LAS1L: variants seen among roughly 807,000 people sequenced by gnomAD.
LAS1L encodes the protein ribosomal biogenesis protein LAS1L.
LAS1L carries 5 observed loss-of-function variants against 57.3 expected under a neutral mutation model. That is an observed-to-expected ratio of 0.09 (90% CI 0.05 to 0.18). LAS1L has a LOEUF of 0.18. LAS1L is among the 10% of genes least tolerant of loss of function. The pLI, the probability that LAS1L is intolerant of heterozygous loss-of-function variation, is 1.00. For missense variants in LAS1L, 360 were observed against 568.3 expected, an observed-to-expected ratio of 0.63 and a Z score of 3.73; for synonymous variants, 245 against 231.7, an observed-to-expected ratio of 1.06 and a Z score of -0.52.
chrX:65,518,379 T>A lies in LAS1L; in HGVS notation c.1535A>T (p.Glu512Val). Residue 512 changes from glutamate (E) to valine (V), a missense_variant, in exon 12 of 14, where the codon GAA (glutamate) becomes GTA (valine). This residue lies in a region of LAS1L where 123 missense variants were observed against 168.3 expected (regional missense o/e 0.73). Coordinates refer to ENST00000374811, the MANE Select transcript of LAS1L (RefSeq NM_031206.7). ...RICSIYTQSG[E>V]NSLVQEGSEA... The stretch of plus-strand genomic sequence containing the variant: ...AGAGCCCTCCTGCACCAGGCTGTTT[T>A]CTCCACTCTGGGTATAAATGGAACA... 1 of 1,212,302 alleles carries A rather than the reference T, an allele frequency of 8.2e-7. No individual in the cohort carries two copies. Among genetic ancestry groups the A allele is most frequent in the Non-Finnish European group, 1.1e-6 (1 of 895,647 alleles).
At chrX:65,523,755 A>T (rs2148287297) in intron 10 of LAS1L, 48 bp from the exon 11 acceptor site, 1 of 1,121,190 alleles carries the variant, frequency 8.9e-7, no homozygotes. Flanking sequence ...TGAGCCCCCC[A>T]CCCAACATTT....
chrX:65,518,130 T>G lies in LAS1L; in HGVS notation c.1784A>C (p.Glu595Ala), dbSNP rs772981775. ...TTCCTCTTCATCATCTTCATCATCTTCATCCTCCTCTTCCTCCTCTTGGTC... is the reference window on the plus strand; with the variant it reads ...TTCCTCTTCATCATCTTCATCATCTGCATCCTCCTCTTCCTCCTCTTGGTC... ...NDDQEEEEED[E>A]DDEDDEEEDR... Residue 595 changes from glutamate (E) to alanine (A), a missense_variant, in exon 12 of 14, where the codon GAA (glutamate) becomes GCA (alanine). Coordinates refer to ENST00000374811, the MANE Select transcript of LAS1L (RefSeq NM_031206.7). 2 of 1,201,189 alleles carry G rather than the reference T, an allele frequency of 1.7e-6. No individual in the cohort carries two copies. Among genetic ancestry groups the G allele is most frequent in the South Asian group, 3.5e-5 (2 of 56,730 alleles).
chrX:65,521,161 A>T (rs1461929030), intron 11 of LAS1L: 1 of 752,352 alleles, frequency 1.3e-6, no homozygotes, highest in African/African-American at 2.3e-5. Flanking sequence ...TGTGTCCCAA[A>T]TGCCATCAGG....
intron 12 of LAS1L, 73 bp downstream of exon 12, chrX:65,517,914 C>A (rs2068710317): frequency 8.9e-7 from 1 of 1,124,966 alleles, no homozygotes; most frequent in African/African-American, 1.8e-5. Flanking sequence ...TCCATCTCTT[C>A]CTAGGGTAGA....
At chrX:65,526,651 C>T (rs1321047290) in intron 7 of LAS1L, among the ~76,000 whole-genome samples, 4 of 111,653 alleles carry the variant, frequency 3.6e-5, no homozygotes, top group South Asian at 3.8e-4. Flanking sequence ...TGCCTCCACA[C>T]GTTCTTAGCG....
chrX:65,514,904 A>G lies in LAS1L; in HGVS notation c.1997T>C (p.Met666Thr), dbSNP rs1218572840. Residue 666 changes from methionine to threonine, a missense_variant, in exon 13 of 14, where the codon ATG becomes ACG. By Grantham distance (81) the Met-to-Thr change is moderately conservative. Transcript: ENST00000374811. Reference sequence around the variant, plus strand: ...ATACATGGTGTCATAATTCTCCAGCATGAGCTCTGCTGGGTCCTCGGTCTG... The same window carrying G: ...ATACATGGTGTCATAATTCTCCAGCGTGAGCTCTGCTGGGTCCTCGGTCTG... ...PGQTEDPAEL[M>T]LENYDTMYLL... The G allele has an allele frequency of 8.3e-7, 1 of 1,211,075 alleles. No individual in the cohort carries two copies. Among genetic ancestry groups the G allele is most frequent in the Admixed American group, 2.2e-5 (1 of 46,047 alleles).
Position 65,524,108 on chromosome X carries a change from A to T in LAS1L, c.1248T>A (p.Pro416=), listed in dbSNP as rs180689421. The T allele has an allele frequency of 2.4e-5, 29 of 1,209,639 alleles. No homozygotes were observed. The highest frequency in any genetic ancestry group is 4.6e-4 in the Middle Eastern group (2 of 4,352). ...LPALGISGIR[P]TYILRWTVEL... is the part of the protein sequence containing the mutation. The stretch of plus-strand genomic sequence containing the variant: ...CAACGGTCCATCTGAGGATGTAGGT[A>T]GGCCGGATCCCGCTGATCCCCAAGG... Residue 416 remains proline, a synonymous_variant, in exon 10 of 14, where the codon CCT becomes CCA. Coordinates refer to ENST00000374811, the MANE Select transcript of LAS1L (RefSeq NM_031206.7).
intron 2 of LAS1L, among the ~76,000 whole-genome samples, chrX:65,533,028 A>G (rs2069579432): frequency 8.9e-6 from 1 of 112,328 alleles, no homozygotes; most frequent in Non-Finnish European, 1.9e-5. Context: ...GGGGAAATAG[A>G]TAAGCAAAGA....
At chrX:65,521,202 G>A (rs970155463) in intron 11 of LAS1L, 60 of 751,021 alleles carry the variant, frequency 8.0e-5, no homozygotes, top group Non-Finnish European at 8.9e-5. Flanking sequence ...CTCAATAGGG[G>A]GATCAGGGAC....
At chrX:65,529,317 G>A (rs895874623) in intron 5 of LAS1L, 59 bp from the exon 6 acceptor site, 1 of 980,314 alleles carries the variant, frequency 1.0e-6, no homozygotes, top group African/African-American at 1.9e-5. Context: ...CTCCTGATGG[G>A]ATTCTGAGCC....
In LAS1L at chrX:65,530,813, CAA is replaced by C. The variant is rs754023056; in HGVS notation, c.514+542_514+543del. 8.9e-3 allele frequency among the ~76,000 whole-genome samples: 374 copies of C among 42,109 alleles called. 5 individuals are homozygous for C. Among genetic ancestry groups the C allele is most frequent in the African/African-American group, 0.025 (343 of 13,806 alleles). 36.6% of individuals were successfully genotyped at this position (42,109 alleles called of 115,157 possible). A position where few individuals can be genotyped will look rare whatever the true frequency, so the allele number is the denominator to read the frequency against. On this transcript the variant is annotated intron_variant, in intron 4 of 13. Coordinates refer to ENST00000374811, the MANE Select transcript of LAS1L (RefSeq NM_031206.7). Reference sequence around the variant, plus strand: ...TGGGTGACAGAGTGAGACTCTGTCTCAAAAAAAAAAAAAAAAAAAGTTAATCA... The same window carrying C: ...TGGGTGACAGAGTGAGACTCTGTCTCAAAAAAAAAAAAAAAAAGTTAATCA...
In LAS1L at chrX:65,529,326, C is replaced by T. The variant is rs1009779793; in HGVS notation, c.800-68G>A. 3.6e-5 allele frequency: 32 copies of T among 887,820 alleles called. No individual in the cohort carries two copies. In the African/African-American group the frequency reaches 6.0e-4, roughly 17 times the overall value. 73.2% of individuals were successfully genotyped at this position (887,820 alleles called of 1,213,427 possible). On this transcript the variant is annotated intron_variant, in intron 5 of 13. Transcript: ENST00000374811. ...CCCCTTCTCCTGATGGGATTCTGAG[C>T]CTCTCTCACCTCATTTCTTGAGTTG...
At chrX:65,526,209 C>G (rs182381824) in intron 7 of LAS1L, among the ~76,000 whole-genome samples, 116 of 111,843 alleles carry the variant, frequency 1.0e-3, no homozygotes, top group Non-Finnish European at 2.0e-3. Flanking sequence ...AAGCATGAGA[C>G]AAACAAACCT....
chrX:65,532,100 G>A (rs1004460756), intron 3 of LAS1L, among the ~76,000 whole-genome samples: 8 of 111,640 alleles, frequency 7.2e-5, no homozygotes, highest in Admixed American at 1.9e-4. Flanking sequence ...CACCTCCTCC[G>A]GGAAGCGCTA....
At chrX:65,528,498 G>A (rs771758902) in intron 6 of LAS1L, 129 bp from the exon 7 acceptor site, 20 of 437,522 alleles carry the variant, frequency 4.6e-5, no homozygotes, top group Non-Finnish European at 7.2e-5. Context: ...ATGCAGGGGG[G>A]GGCCCACAAC....
At chrX:65,527,411 C>T (rs188511009) in intron 7 of LAS1L, among the ~76,000 whole-genome samples, 1 of 109,582 alleles carries the variant, frequency 9.1e-6, no homozygotes, top group East Asian at 2.9e-4. Context: ...TAGTGCATGC[C>T]TGTTGGTCCT....
At chrX:65,528,764 G>C (rs759584643) in intron 6 of LAS1L, among the ~76,000 whole-genome samples, 57 of 112,529 alleles carry the variant, frequency 5.1e-4, no homozygotes, top group Non-Finnish European at 5.8e-4. Context: ...ATGTGACTTT[G>C]GGCCTGTCCC....
In LAS1L at chrX:65,534,765, G is replaced by C. The variant is rs750040293; in HGVS notation, c.-50C>G. 1 of 1,006,645 alleles carries C rather than the reference G, an allele frequency of 9.9e-7. No homozygotes were observed. Among genetic ancestry groups the C allele is most frequent in the Non-Finnish European group, 1.4e-6 (1 of 733,547 alleles). 83.0% of individuals were successfully genotyped at this position (1,006,645 alleles called of 1,213,427 possible). Reference sequence around the variant, plus strand: ...GCCGCGCCGCTCCGCACAGCCTTCAGCTCAGCGTGCTACCCTCACTCCGAA... The same window carrying C: ...GCCGCGCCGCTCCGCACAGCCTTCACCTCAGCGTGCTACCCTCACTCCGAA... On this transcript the variant is annotated 5_prime_UTR_variant, in exon 1 of 14. Coordinates refer to ENST00000374811, the MANE Select transcript of LAS1L (RefSeq NM_031206.7).
intron 1 of LAS1L, among the ~76,000 whole-genome samples, chrX:65,533,943 C>T (rs1173680795): frequency 8.9e-6 from 1 of 111,967 alleles, no homozygotes; most frequent in African/African-American, 3.2e-5. Context: ...AGGCCGTATA[C>T]AGGACACCTA....
Sources: allele counts gnomAD v4.1 joint callset (sites outside exome capture counted in the v4.1 genomes callset), GRCh38; gene constraint gnomAD v4.1.1; regional missense constraint gnomAD v4.1.1; transcripts MANE v1.5; gene names NCBI Gene and HGNC (gene_info 2026-07-23, HGNC 2026-07-21).